Variants in ZNF254 observed in about 807,000 individuals in gnomAD.
The protein encoded by ZNF254 is CTD-2017D11.1.
ZNF254 carries 10 observed loss-of-function variants against 12.4 expected under a neutral mutation model. The ratio of observed to expected loss-of-function variants is 0.80; its 90% CI spans 0.50 to 1.36. The LOEUF is 1.36. ZNF254 is among the 40% of genes most tolerant of loss of function. The probability of loss-of-function intolerance (pLI) is 0.00; values close to 1 mark genes in which losing one functional copy is unlikely to be tolerated. For synonymous variants in ZNF254, 305 were observed against 253.4 expected (o/e 1.20, Z -1.93); for missense variants, 996 against 763.9 (o/e 1.30, Z -3.58).
At chr19:24,055,825 C>A (rs1970831781) in intron 2 of ZNF254, among the ~76,000 whole-genome samples, 1 of 152,176 alleles carries the variant, frequency 6.6e-6, no homozygotes, top group Admixed American at 6.5e-5. Flanking sequence ...CTGTCAGGTA[C>A]AAATTTAGTT....
chr19:24,082,822 T>A (rs576076661), upstream of ZNF254, among the ~76,000 whole-genome samples: 64 of 151,984 alleles, frequency 4.2e-4, no homozygotes, highest in Admixed American at 6.6e-4. Context: ...TCTTCAATTT[T>A]TTTTTAAACC....
At chr19:24,059,631 T>C (rs1970995543) in intron 2 of ZNF254, among the ~76,000 whole-genome samples, 1 of 796 alleles carries the variant, frequency 1.3e-3, no homozygotes, top group Admixed American at 0.029. Flanking sequence ...ATACATTATG[T>C]ATTTTGGCAC....
chr19:24,049,198 A>ATTTTTTTTTTTTTT (rs1568426332), intron 2 of ZNF254, among the ~76,000 whole-genome samples: 1 of 61,208 alleles, frequency 1.6e-5, no homozygotes, highest in Non-Finnish European at 3.1e-5. Context: ...ATATATATAT[A>ATTTTTTTTTTTTTT]TATATATATA....
chr19:24,056,532 A>G (rs553144330), intron 2 of ZNF254, among the ~76,000 whole-genome samples: 1 of 152,142 alleles, frequency 6.6e-6, no homozygotes, highest in Non-Finnish European at 1.5e-5. Context: ...CTCAAAAGGC[A>G]TTGTGACATA....
rs1415244036 is a variant in ZNF254 at position 24,127,960 on chromosome 19, A to G, written c.1960A>G (p.Arg654Gly). Reference protein sequence around the residue: ...HLTTDKITHWREILQV With the variant: ...HLTTDKITHWGEILQV ...CACCACAGATAAGATAACTCATTGGAGAGAAATCTTACAAGTATGAATAAT... is the reference window on the plus strand; with the variant it reads ...CACCACAGATAAGATAACTCATTGGGGAGAAATCTTACAAGTATGAATAAT... Residue 654 changes from arginine (R) to glycine (G), a missense_variant, in exon 4 of 4, where the codon AGA (arginine) becomes GGA (glycine). By Grantham distance (125) the Arg-to-Gly change is moderately radical (BLOSUM62 -2). Coordinates refer to ENST00000357002, the MANE Select transcript of ZNF254 (RefSeq NM_203282.4). The G allele has an allele frequency of 6.4e-7, 1 of 1,561,432 alleles. No individual in the cohort carries two copies. Among genetic ancestry groups the G allele is most frequent in the Non-Finnish European group, 8.6e-7 (1 of 1,159,536 alleles).
At chr19:24,093,736 C>A (rs1280831862) in intron 1 of ZNF254, among the ~76,000 whole-genome samples, 1 of 152,020 alleles carries the variant, frequency 6.6e-6, no homozygotes, top group African/African-American at 2.4e-5. Flanking sequence ...TTCAGCTTTG[C>A]TGTTTTTGCT....
At chr19:24,051,037 G>A (rs370677595) in intron 2 of ZNF254, among the ~76,000 whole-genome samples, 3 of 151,982 alleles carry the variant, frequency 2.0e-5, no homozygotes, top group Non-Finnish European at 2.9e-5. Context: ...GGGCCCTGCC[G>A]ACTGGAGTGA....
At chr19:24,048,982 G>A (rs62113757) in intron 2 of ZNF254, 24,235 of 151,318 alleles carry the variant, frequency 0.16, 2,113 homozygotes, top group Middle Eastern at 0.23. Flanking sequence ...AAACTCCCAC[G>A]GTCAAGCGAT....
chr19:24,041,913 G>T (rs1001645583), intron 1 of ZNF254, among the ~76,000 whole-genome samples: 2 of 152,086 alleles, frequency 1.3e-5, no homozygotes, highest in Non-Finnish European at 2.9e-5. Context: ...TGGTGAGGAC[G>T]TGGAGAGTCT....
intron 2 of ZNF254, among the ~76,000 whole-genome samples, chr19:24,055,046 A>C (rs778010284): frequency 2.6e-5 from 4 of 151,406 alleles, no homozygotes; most frequent in Non-Finnish European, 5.9e-5. Flanking sequence ...ACTAAAAAAT[A>C]CAAAAAATTA....
At chr19:24,113,125 C>T (rs1973801945) in intron 3 of ZNF254, among the ~76,000 whole-genome samples, 1 of 152,184 alleles carries the variant, frequency 6.6e-6, no homozygotes, top group Admixed American at 6.5e-5. Flanking sequence ...GATACCATTC[C>T]TTCTGAAACT....
upstream of ZNF254, among the ~76,000 whole-genome samples, chr19:24,083,147 G>A (rs1281303603): frequency 6.6e-6 from 1 of 152,126 alleles, no homozygotes; most frequent in African/African-American, 2.4e-5. Context: ...GCACATATTA[G>A]TGGCATTGGT....
chr19:24,046,058 A>T (rs943878544), intron 1 of ZNF254: 13 of 108,000 alleles, frequency 1.2e-4, no homozygotes, highest in African/African-American at 3.4e-4. Flanking sequence ...CTGGTAGGAA[A>T]CAGTATTTTG....
chr19:24,110,917 A>T (rs1283415216), intron 3 of ZNF254, among the ~76,000 whole-genome samples: 1 of 151,868 alleles, frequency 6.6e-6, no homozygotes, highest in African/African-American at 2.4e-5. Context: ...ATAGCTTAAG[A>T]TGCAGGGTGA....
At chr19:24,046,777 G>T (rs1278470338) in intron 2 of ZNF254, among the ~76,000 whole-genome samples, 1 of 151,990 alleles carries the variant, frequency 6.6e-6, no homozygotes, top group Non-Finnish European at 1.5e-5. Flanking sequence ...AACAGCTGGT[G>T]TGGCCTCCTG....
intron 2 of ZNF254, among the ~76,000 whole-genome samples, chr19:24,051,668 C>G (rs995483887): frequency 6.6e-5 from 10 of 152,174 alleles, no homozygotes; most frequent in Admixed American, 1.3e-4. Context: ...GAGTCTAACA[C>G]CTAGGTAATG....
At chr19:24,074,655 G>C (rs753229377) in intron 2 of ZNF254, among the ~76,000 whole-genome samples, 2 of 152,182 alleles carry the variant, frequency 1.3e-5, no homozygotes, top group Non-Finnish European at 2.9e-5. Flanking sequence ...CCTAGATGAT[G>C]TGACTCTACT....
At chr19:24,095,464 C>T (rs999245914) in intron 1 of ZNF254, among the ~76,000 whole-genome samples, 2 of 152,130 alleles carry the variant, frequency 1.3e-5, no homozygotes, top group Non-Finnish European at 2.9e-5. Flanking sequence ...AAATAATAAT[C>T]AGCACTTTTT....
chr19:24,065,127 G>A (rs1971223390), intron 2 of ZNF254, among the ~76,000 whole-genome samples: 1 of 152,094 alleles, frequency 6.6e-6, no homozygotes, highest in Non-Finnish European at 1.5e-5. Context: ...CCCACAGAGG[G>A]CCTTGGAATA....
Sources: allele counts gnomAD v4.1 joint callset (sites outside exome capture counted in the v4.1 genomes callset), GRCh38; gene constraint gnomAD v4.1.1; transcripts MANE v1.5; gene names NCBI Gene and HGNC (gene_info 2026-07-23, HGNC 2026-07-21).